The following RBM20 variants were observed in gnomAD, a reference collection of about 807,000 sequenced individuals.
RBM20 encodes the protein RNA-binding protein 20.
In RBM20, 51 loss-of-function variants were observed where a neutral mutation model predicts 110.1. The observed-to-expected ratio is 0.46, with a 90% CI of 0.37 to 0.59. RBM20 has a LOEUF of 0.59. Ranked by LOEUF, RBM20 falls within the 20% of genes least tolerant of loss-of-function variation. The pLI, the probability that RBM20 is intolerant of heterozygous loss-of-function variation, is 0.00. For missense variants in RBM20, 1,512 were observed against 1,574.9 expected (o/e 0.96, Z 0.68); for synonymous variants, 589 against 618.2 (o/e 0.95, Z 0.70).
chr10:110,816,830 C>A (rs1844846599), intron 9 of RBM20, among the ~76,000 whole-genome samples: 2 of 152,202 alleles, frequency 1.3e-5, no homozygotes, highest in African/African-American at 4.8e-5. Flanking sequence ...CTGCTTTCTT[C>A]TGCCTCACTT....
intron 6 of RBM20, among the ~76,000 whole-genome samples, 157 bp from the exon 7 acceptor site, chr10:110,799,630 A>T (rs1844595520): frequency 1.3e-5 from 2 of 152,198 alleles, no homozygotes; most frequent in African/African-American, 4.8e-5. Flanking sequence ...TCAGTTCCCC[A>T]TCCCCACCTG....
chr10:110,775,932 G>T lies in RBM20; in HGVS notation c.192-4869G>T, dbSNP rs568708036. 4.6e-5 allele frequency among the ~76,000 whole-genome samples: 7 copies of T among 152,294 alleles called. No individual in the cohort carries two copies. The South Asian group carries it at 8.3e-4, about 18-fold the overall frequency. ...GAGCTGCCTGTACCTCTGTCTTCAG[G>T]CCAGCATCTTCTGAGTTGGCTTTAT... On this transcript the variant is annotated intron_variant, in intron 1 of 13. Coordinates refer to ENST00000369519, the MANE Select transcript of RBM20 (RefSeq NM_001134363.3).
chr10:110,726,275 G>T (rs945688131), intron 1 of RBM20, among the ~76,000 whole-genome samples: 2 of 152,126 alleles, frequency 1.3e-5, no homozygotes, highest in African/African-American at 4.8e-5. Context: ...GTTGGAGATG[G>T]TAAGGTCATG....
At chr10:110,833,075 A>G (rs1180847039) in intron 13 of RBM20, among the ~76,000 whole-genome samples, 1 of 152,084 alleles carries the variant, frequency 6.6e-6, no homozygotes, top group East Asian at 1.9e-4. Context: ...TCTTCTTTGT[A>G]CCAGCTGGCA....
chr10:110,799,830 T>G lies in RBM20; in HGVS notation c.1712T>G (p.Val571Gly), dbSNP rs779454179. ...MAYTEAAQAM[V>G]QYYQEKSAVI... The stretch of plus-strand genomic sequence containing the variant: ...TACACAGAAGCTGCACAGGCCATGG[T>G]CCAGTATTATCAAGAAAAATCTGCT... The change falls in exon 7 of 14, where the codon GTC becomes GGC. Residue 571 changes from valine (V) to glycine (G), a missense_variant. Physicochemically the swap from Val to Gly is moderately radical, Grantham distance 109. Coordinates refer to ENST00000369519, the MANE Select transcript of RBM20 (RefSeq NM_001134363.3). 6.4e-7 allele frequency: 1 copy of G among 1,551,724 alleles called. No homozygotes were observed. The highest frequency in any genetic ancestry group is 1.2e-5 in the South Asian group (1 of 84,054).
At chr10:110,798,425 C>T (rs1844578837) in intron 6 of RBM20, among the ~76,000 whole-genome samples, 1 of 152,214 alleles carries the variant, frequency 6.6e-6, no homozygotes, top group East Asian at 1.9e-4. Flanking sequence ...AGTGAGACTA[C>T]TCACTTGTCT....
chr10:110,802,149 C>T (rs11195329), intron 7 of RBM20, among the ~76,000 whole-genome samples: 5,764 of 152,286 alleles, frequency 0.038, 258 homozygotes, highest in East Asian at 0.19. Flanking sequence ...TAGCTCATTC[C>T]ACATTGACTT....
intron 1 of RBM20, among the ~76,000 whole-genome samples, chr10:110,725,785 C>G (rs547046834): frequency 2.6e-4 from 40 of 152,278 alleles, no homozygotes; most frequent in Non-Finnish European, 5.3e-4. Context: ...CTTGTAAAAC[C>G]AATTGTATGG....
chr10:110,721,071 C>G (rs1315237978), intron 1 of RBM20, among the ~76,000 whole-genome samples: 1 of 152,222 alleles, frequency 6.6e-6, no homozygotes, highest in Non-Finnish European at 1.5e-5. Flanking sequence ...GGCACCTGCT[C>G]AGTTGCCGCC....
chr10:110,748,246 A>G (rs900071261), intron 1 of RBM20, among the ~76,000 whole-genome samples: 9 of 152,240 alleles, frequency 5.9e-5, no homozygotes, highest in African/African-American at 2.2e-4. Context: ...AGAATGTGGG[A>G]ACATTTTAGC....
chr10:110,833,397 A>AAAAAAAAAAAAAG (rs1465077327), intron 13 of RBM20, among the ~76,000 whole-genome samples: 2 of 149,188 alleles, frequency 1.3e-5, no homozygotes, highest in African/African-American at 4.9e-5. Flanking sequence ...TCAGAAAAAA[A>AAAAAAAAAAAAAG]AAAAAAAAAG....
intron 9 of RBM20, among the ~76,000 whole-genome samples, chr10:110,813,835 C>CA (rs57225247): frequency 8.8e-5 from 11 of 125,054 alleles, no homozygotes; most frequent in African/African-American, 3.4e-4. Context: ...AACTCTATTT[C>CA]AAAAAAAAAA....
At chr10:110,731,805 A>G (rs1183946938) in intron 1 of RBM20, among the ~76,000 whole-genome samples, 1 of 152,198 alleles carries the variant, frequency 6.6e-6, no homozygotes, top group Non-Finnish European at 1.5e-5. Context: ...CCTTAGTTGT[A>G]TGCTGAGAGT....
At chr10:110,744,017 T>A (rs867330) in intron 1 of RBM20, among the ~76,000 whole-genome samples, 57,640 of 151,994 alleles carry the variant, frequency 0.38, 11,553 homozygotes, top group East Asian at 0.57. Flanking sequence ...TCCCCTTTTC[T>A]TTAGGAAGAA....
At chr10:110,690,040 G>T (rs1261542839) in intron 1 of RBM20, among the ~76,000 whole-genome samples, 1 of 152,178 alleles carries the variant, frequency 6.6e-6, no homozygotes, top group African/African-American at 2.4e-5. Flanking sequence ...CCCTGGAAAT[G>T]AGTGATTTAA....
rs1844400067 is a variant in RBM20, at chr10:110,784,818, T to C, written c.1456T>C (p.Tyr486His). 6.4e-7 allele frequency: 1 copy of C among 1,550,850 alleles called. No homozygotes were observed. Among genetic ancestry groups the C allele is most frequent in the Non-Finnish European group, 8.7e-7 (1 of 1,146,280 alleles). ...EDYASNLGTS[Y>H]VPIPARSFTQ... is the part of the protein sequence containing the mutation. The stretch of plus-strand genomic sequence containing the variant: ...TTATGCCTCAAATCTTGGAACATCA[T>C]ACGTGCCCATTCCAGCAAGGTCATT... Residue 486 changes from tyrosine to histidine, a missense_variant, in exon 5 of 14, where the codon TAC becomes CAC. Coordinates refer to ENST00000369519, the MANE Select transcript of RBM20 (RefSeq NM_001134363.3).
In RBM20 at chr10:110,839,091, T is replaced by C. The variant is rs1341672619; in HGVS notation, c.*3113T>C. ...CAGATTCATATTTACCCTGGGTTAA[T>C]ACAACAAAAGGCCTGTATAATTGTC... On this transcript the variant is annotated 3_prime_UTR_variant, in exon 14 of 14. Transcript: ENST00000369519. 5 of 152,242 alleles carry C rather than the reference T, an allele frequency of 3.3e-5. No individual in the cohort carries two copies. The highest frequency in any genetic ancestry group is 1.2e-4 in the African/African-American group (5 of 41,470). The allele number at this position is 152,242 out of a possible 1,614,324, so 9.4% of individuals were successfully genotyped here.
chr10:110,787,008 C>A (rs981544796), intron 5 of RBM20, among the ~76,000 whole-genome samples: 1 of 152,208 alleles, frequency 6.6e-6, no homozygotes, highest in African/African-American at 2.4e-5. Context: ...CAGCGCTGCC[C>A]ATTGAGCCAG....
At chr10:110,785,749 C>A (rs973256406) in intron 5 of RBM20, among the ~76,000 whole-genome samples, 1 of 151,746 alleles carries the variant, frequency 6.6e-6, no homozygotes, top group African/African-American at 2.4e-5. Flanking sequence ...AAGAAGCAGA[C>A]ATAAATCCTT....
Sources: gnomAD v4.1 joint callset for allele counts (sites outside exome capture counted in the v4.1 genomes callset) on GRCh38, gnomAD v4.1.1 for gene constraint, MANE v1.5 for transcripts, NCBI Gene and HGNC (gene_info 2026-07-23, HGNC 2026-07-21) for gene names.